Variants in LINGO2 observed in about 807,000 individuals in gnomAD.
The protein encoded by LINGO2 is leucine-rich repeat and immunoglobulin-like domain-containing nogo receptor-interacting protein 2.
Under a neutral mutation model 30.6 loss-of-function variants are expected in LINGO2, and 14 were observed. The ratio of observed to expected loss-of-function variants is 0.46; its 90% confidence interval spans 0.30 to 0.72. The LOEUF (loss-of-function observed/expected upper bound fraction) is 0.72. Among genes scored for constraint, LINGO2 ranks in the 30% least tolerant of loss-of-function variants. The pLI, the probability that LINGO2 is intolerant of heterozygous loss-of-function variation, is 0.07. For synonymous variants in LINGO2, 317 were observed against 288.5 expected (o/e 1.10, Z -1.00); for missense variants, 729 against 751.7 (o/e 0.97, Z 0.35).
chr9:29,022,874 A>T, the LINGO2 span, among the ~76,000 whole-genome samples: 1 of 151,916 alleles, frequency 6.6e-6, no homozygotes, highest in Admixed American at 6.6e-5. Flanking sequence ...TAGGTTCTCC[A>T]TATCTAGCAT....
chr9:28,793,673 A>G, the LINGO2 span, among the ~76,000 whole-genome samples: 1 of 152,226 alleles, frequency 6.6e-6, no homozygotes, highest in Non-Finnish European at 1.5e-5. Flanking sequence ...GAGAAGAAAT[A>G]TAACACATCA....
At chr9:28,698,495 T>C in the LINGO2 span, among the ~76,000 whole-genome samples, 1 of 152,072 alleles carries the variant, frequency 6.6e-6, no homozygotes, top group Non-Finnish European at 1.5e-5. Flanking sequence ...TTGGCAATTG[T>C]TTTAAATCAT....
chr9:28,652,852 T>C (rs943771877), intron 1 of LINGO2, among the ~76,000 whole-genome samples: 2 of 152,048 alleles, frequency 1.3e-5, no homozygotes, highest in South Asian at 2.1e-4. Flanking sequence ...AACCATAGTA[T>C]ATTAGTATTA....
chr9:28,759,105 T>G, the LINGO2 span, among the ~76,000 whole-genome samples: 152 of 152,132 alleles, frequency 1.0e-3, 2 homozygotes, highest in Non-Finnish European at 1.6e-3. Flanking sequence ...CAGTAATTGT[T>G]TTCATGGCTC....
chr9:29,098,726 G>A, the LINGO2 span, among the ~76,000 whole-genome samples: 5 of 151,976 alleles, frequency 3.3e-5, no homozygotes, highest in Non-Finnish European at 7.4e-5. Flanking sequence ...TTTATATTTG[G>A]GGAAATAAGA....
chr9:28,759,688 A>G, the LINGO2 span, among the ~76,000 whole-genome samples: 17 of 139,456 alleles, frequency 1.2e-4, no homozygotes, highest in African/African-American at 5.0e-4. Flanking sequence ...TCTCAAAAAG[A>G]AAAAAAAAAA....
At chr9:29,017,283 G>T in the LINGO2 span, among the ~76,000 whole-genome samples, 6 of 152,008 alleles carry the variant, frequency 3.9e-5, no homozygotes, top group Admixed American at 3.9e-4. Flanking sequence ...AATGAAGATT[G>T]AAATAAGAAG....
chr9:28,310,152 T>G (rs1166380006), intron 3 of LINGO2, among the ~76,000 whole-genome samples: 1 of 152,170 alleles, frequency 6.6e-6, no homozygotes, highest in Non-Finnish European at 1.5e-5. Context: ...ATGTTAAGCA[T>G]ACACAAATAT....
chr9:28,037,989 T>C (rs1398073603), intron 4 of LINGO2, among the ~76,000 whole-genome samples: 1 of 152,198 alleles, frequency 6.6e-6, no homozygotes, highest in Non-Finnish European at 1.5e-5. Context: ...TTTCCCAGGA[T>C]TACACAGTGA....
intron 4 of LINGO2, among the ~76,000 whole-genome samples, chr9:28,202,368 A>G (rs945031698): frequency 1.3e-5 from 2 of 152,068 alleles, no homozygotes; most frequent in Non-Finnish European, 2.9e-5. Context: ...ACACCTGCAC[A>G]TTTTGATGCA....
chr9:28,506,421 T>C (rs11536730), intron 1 of LINGO2, among the ~76,000 whole-genome samples: 1,046 of 5,060 alleles, frequency 0.21, 38 homozygotes, highest in East Asian at 0.47. Context: ...TATATATATA[T>C]ACACACACAC....
At chr9:28,774,831 T>G in the LINGO2 span, among the ~76,000 whole-genome samples, 2 of 120,076 alleles carry the variant, frequency 1.7e-5, no homozygotes, top group East Asian at 5.0e-4. Flanking sequence ...CAAATCAAAT[T>G]AATAATAAGG....
At chr9:28,010,734 C>T (rs1822513297) in intron 5 of LINGO2, among the ~76,000 whole-genome samples, 1 of 152,198 alleles carries the variant, frequency 6.6e-6, no homozygotes, top group African/African-American at 2.4e-5. Context: ...GGGAGGATTG[C>T]TTGAGGCCAG....
At chr9:28,001,853 TAAG>T (rs999983286) in intron 5 of LINGO2, among the ~76,000 whole-genome samples, 13 of 152,182 alleles carry the variant, frequency 8.5e-5, no homozygotes, top group African/African-American at 3.1e-4. Flanking sequence ...TGTGATGCTC[TAAG>T]AAGATCTACT....
the LINGO2 span, among the ~76,000 whole-genome samples, chr9:29,028,421 G>GC: frequency 3.7e-4 from 24 of 65,334 alleles, no homozygotes; most frequent in South Asian, 6.7e-3. Context: ...GTAGTGTGTG[G>GC]GGGGGGGTGA....
intron 4 of LINGO2, among the ~76,000 whole-genome samples, chr9:28,194,743 C>A (rs1819949877): frequency 1.3e-5 from 2 of 151,676 alleles, no homozygotes; most frequent in Non-Finnish European, 2.9e-5. Context: ...AACTACAAAG[C>A]ACTCTTAGCT....
chr9:28,513,006 A>G (rs1820473647), intron 1 of LINGO2, among the ~76,000 whole-genome samples: 1 of 151,706 alleles, frequency 6.6e-6, no homozygotes, highest in Admixed American at 6.6e-5. Context: ...TCTTTTGGCA[A>G]CACCCTCACA....
At chr9:28,533,979 C>T (rs969006643) in intron 1 of LINGO2, among the ~76,000 whole-genome samples, 1 of 152,102 alleles carries the variant, frequency 6.6e-6, no homozygotes, top group African/African-American at 2.4e-5. Context: ...CATTGATAAA[C>T]ACATCTAATA....
the LINGO2 span, among the ~76,000 whole-genome samples, chr9:28,842,049 C>G: frequency 2.6e-5 from 4 of 151,772 alleles, no homozygotes; most frequent in Non-Finnish European, 5.9e-5. Flanking sequence ...TAGGCACTCC[C>G]TATGTGGACA....
Sources: gnomAD v4.1 joint callset for allele counts (sites outside exome capture counted in the v4.1 genomes callset) on GRCh38, gnomAD v4.1.1 for gene constraint, MANE v1.5 for transcripts, NCBI Gene and HGNC (gene_info 2026-07-23, HGNC 2026-07-21) for gene names.